Variants in SORCS1 observed in about 807,000 individuals in gnomAD.
SORCS1 encodes the protein sortilin related VPS10 domain containing receptor 1.
SORCS1 carries 60 observed loss-of-function variants against 146.1 expected under a neutral mutation model. The ratio of observed to expected loss-of-function variants is 0.41; its 90% CI spans 0.33 to 0.51. The LOEUF is 0.51. Ranked by LOEUF, SORCS1 falls within the 20% of genes least tolerant of loss-of-function variation. The pLI, the probability that SORCS1 is intolerant of heterozygous loss-of-function variation, is 0.21. For synonymous variants in SORCS1, 637 were observed against 584.0 expected (o/e 1.09, Z -1.31); for missense variants, 1,352 against 1,487.6 (o/e 0.91, Z 1.50).
chr10:107,003,322 T>C (rs1957291892), intron 1 of SORCS1, among the ~76,000 whole-genome samples: 1 of 152,130 alleles, frequency 6.6e-6, no homozygotes, highest in Non-Finnish European at 1.5e-5. Flanking sequence ...TTGCAGCTCA[T>C]ATCAGCATCC....
chr10:107,038,340 C>T lies in SORCS1; in HGVS notation c.559-81760G>A, dbSNP rs185960074. Among the ~76,000 whole-genome samples, 112 of 142,110 alleles carry T rather than the reference C, an allele frequency of 7.9e-4. 1 individual carries two copies. In the East Asian group the frequency reaches 9.5e-3, roughly 12 times the overall value. 93.2% of individuals were successfully genotyped at this position (142,110 alleles called of 152,430 possible). A position where few individuals can be genotyped will look rare whatever the true frequency, so the allele number is the denominator to read the frequency against. On this transcript the variant is annotated intron_variant, in intron 1 of 25. Coordinates refer to ENST00000263054, the MANE Select transcript of SORCS1 (RefSeq NM_052918.5). ...CAGCTGAGAAGGAAAAGCAAGCAAGCACTTAGCCATGTAATGTATACGGGT... is the reference window on the plus strand; with the variant it reads ...CAGCTGAGAAGGAAAAGCAAGCAAGTACTTAGCCATGTAATGTATACGGGT...
At chr10:106,596,619 A>G (rs1845920904) in intron 24 of SORCS1, among the ~76,000 whole-genome samples, 1 of 152,174 alleles carries the variant, frequency 6.6e-6, no homozygotes, top group Non-Finnish European at 1.5e-5. Flanking sequence ...TTCCAGGTTC[A>G]ATTCCTGGGT....
intron 2 of SORCS1, among the ~76,000 whole-genome samples, chr10:106,844,518 T>C (rs1949220771): frequency 6.6e-6 from 1 of 152,016 alleles, no homozygotes; most frequent in Non-Finnish European, 1.5e-5. Context: ...AATTTCATTC[T>C]TTTGCAGGTG....
intron 16 of SORCS1, among the ~76,000 whole-genome samples, chr10:106,668,824 G>A (rs1851366157): frequency 6.6e-6 from 1 of 152,152 alleles, no homozygotes; most frequent in African/African-American, 2.4e-5. Context: ...CTTTACGAAT[G>A]CTGGAGAGGG....
chr10:107,148,893 C>T (rs955858309), intron 1 of SORCS1, among the ~76,000 whole-genome samples: 1 of 152,160 alleles, frequency 6.6e-6, no homozygotes, highest in Non-Finnish European at 1.5e-5. Context: ...TGCTGAAAAG[C>T]TCTTTCTTAC....
chr10:107,095,051 G>C (rs75917318), intron 1 of SORCS1, among the ~76,000 whole-genome samples: 11,882 of 152,266 alleles, frequency 0.078, 702 homozygotes, highest in Non-Finnish European at 0.12. Flanking sequence ...CCCTGGCCTA[G>C]TGTAGGACAC....
At chr10:107,081,230 A>C in intron 1 of SORCS1, among the ~76,000 whole-genome samples, 1 of 152,230 alleles carries the variant, frequency 6.6e-6, no homozygotes, top group East Asian at 1.9e-4. Flanking sequence ...ATGGTAAAGT[A>C]AGAAGACATC....
At chr10:106,681,727 C>A (rs1852447077) in intron 10 of SORCS1, among the ~76,000 whole-genome samples, 1 of 152,298 alleles carries the variant, frequency 6.6e-6, no homozygotes, top group South Asian at 2.1e-4. Flanking sequence ...GCCAGGAGAG[C>A]ACCCAACTTT....
At chr10:106,734,073 G>A (rs1421098277) in intron 5 of SORCS1, among the ~76,000 whole-genome samples, 1 of 151,900 alleles carries the variant, frequency 6.6e-6, no homozygotes, top group East Asian at 1.9e-4. Context: ...TATTCTTTCT[G>A]GGACTCAGAA....
intron 1 of SORCS1, among the ~76,000 whole-genome samples, chr10:107,138,696 A>G (rs181102629): frequency 7.3e-4 from 111 of 152,324 alleles, no homozygotes; most frequent in African/African-American, 2.6e-3. Context: ...TCATAAGTGC[A>G]CTTCATGTGT....
chr10:106,779,020 G>C (rs76977165), intron 3 of SORCS1, among the ~76,000 whole-genome samples: 2 of 151,896 alleles, frequency 1.3e-5, no homozygotes, highest in East Asian at 3.9e-4. Flanking sequence ...TCCTGTATCA[G>C]GTAATATTGG....
intron 2 of SORCS1, among the ~76,000 whole-genome samples, chr10:106,853,937 G>T (rs1793081155): frequency 6.6e-6 from 1 of 151,858 alleles, no homozygotes; most frequent in Admixed American, 6.6e-5. Context: ...TTGGTGTTAG[G>T]TGATATTGTC....
At chr10:106,878,620 G>GTGTGTATATATATATATATATA (rs904386657) in intron 2 of SORCS1, among the ~76,000 whole-genome samples, 2 of 84,950 alleles carry the variant, frequency 2.4e-5, no homozygotes, top group African/African-American at 9.2e-5. Context: ...AAACTACCTA[G>GTGTGTATATATATATATATATA]TATATATATA....
intron 1 of SORCS1, among the ~76,000 whole-genome samples, chr10:107,053,634 C>T (rs1014045684): frequency 6.6e-6 from 1 of 152,054 alleles, no homozygotes. Context: ...CAAATTTTTC[C>T]CACTGAGTTC....
At chr10:106,708,576 C>T (rs1199588730) in intron 7 of SORCS1, among the ~76,000 whole-genome samples, 2 of 152,196 alleles carry the variant, frequency 1.3e-5, no homozygotes, top group Admixed American at 1.3e-4. Flanking sequence ...GTATTTGCTT[C>T]TTGTCTCTAC....
intron 4 of SORCS1, among the ~76,000 whole-genome samples, chr10:106,774,189 C>A (rs907937373): frequency 6.6e-6 from 1 of 152,122 alleles, no homozygotes; most frequent in Non-Finnish European, 1.5e-5. Context: ...TTGGTTCTTA[C>A]CCTTAGCATC....
chr10:106,779,025 T>C (rs775977148), intron 3 of SORCS1, among the ~76,000 whole-genome samples: 6 of 152,152 alleles, frequency 3.9e-5, no homozygotes, highest in African/African-American at 9.7e-5. Flanking sequence ...TATCAGGTAA[T>C]ATTGGGTGCG....
At chr10:107,040,077 T>G (rs776719787) in intron 1 of SORCS1, among the ~76,000 whole-genome samples, 24 of 152,122 alleles carry the variant, frequency 1.6e-4, no homozygotes, top group Non-Finnish European at 2.9e-4. Flanking sequence ...AATAAATAAG[T>G]AACCACTAAA....
chr10:106,870,401 C>T (rs981094579), intron 2 of SORCS1, among the ~76,000 whole-genome samples: 30 of 152,104 alleles, frequency 2.0e-4, no homozygotes, highest in African/African-American at 7.2e-4. Context: ...GCAAATAGAA[C>T]AAAGCTGGAG....
Sources: allele counts gnomAD v4.1 joint callset (sites outside exome capture counted in the v4.1 genomes callset), GRCh38; gene constraint gnomAD v4.1.1; transcripts MANE v1.5; gene names NCBI Gene and HGNC (gene_info 2026-07-23, HGNC 2026-07-21).